Variants in BMPR2 observed in about 807,000 individuals in gnomAD.
BMPR2 encodes the protein bone morphogenetic protein receptor type-2.
Under a neutral mutation model 100.8 loss-of-function variants are expected in BMPR2, and 29 were observed. The observed-to-expected ratio is 0.29, with a 90% CI of 0.21 to 0.39. BMPR2 has a LOEUF of 0.39. BMPR2 is among the 10% of genes least tolerant of loss of function. BMPR2 has a pLI of 1.00. For synonymous variants in BMPR2, 382 were observed against 442.3 expected, an observed-to-expected ratio of 0.86 and a Z score of 1.71; for missense variants, 1,011 against 1,274.5, an observed-to-expected ratio of 0.79 and a Z score of 3.15.
intron 1 of BMPR2, among the ~76,000 whole-genome samples, chr2:202,424,875 G>A (rs184047977): frequency 9.9e-5 from 15 of 152,220 alleles, no homozygotes; most frequent in Admixed American, 9.2e-4. Context: ...TGGACTGAGA[G>A]CAAGAGATAG....
chr2:202,503,171 C>T lies in BMPR2; in HGVS notation c.419-10548C>T, dbSNP rs764203406. On this transcript the variant is annotated intron_variant, in intron 3 of 12. Coordinates refer to ENST00000374580, the MANE Select transcript of BMPR2 (RefSeq NM_001204.7). This position sits in a 1 kb window ranked among gnomAD's most constrained non-coding sequence, Gnocchi z 4.0. ...GAGCGGTCATTGGCCAAATTCCCAA[C>T]AGCATTTGGGGTGTCCTGTTTAGAG... Among the ~76,000 whole-genome samples, 15 of 152,240 alleles carry T rather than the reference C, an allele frequency of 9.9e-5. No homozygotes were observed. The highest frequency in any genetic ancestry group is 2.1e-4 in the Non-Finnish European group (14 of 68,048).
rs889707489 is a variant in BMPR2 at position 202,395,117 on chromosome 2, C to T, written c.76+17567C>T. On this transcript the variant is annotated intron_variant, in intron 1 of 12. Transcript: ENST00000374580. ...CAGGCTGGTCTTGAACTCCTGATCT[C>T]GTGGTTCACCCGCCTCGGCCTCCCA... Among the ~76,000 whole-genome samples the T allele has an allele frequency of 2.1e-4, 32 of 151,718 alleles. 1 individual carries two copies. The highest frequency in any genetic ancestry group is 7.0e-4 in the African/African-American group (29 of 41,300).
rs114108083 is a variant in BMPR2, at chr2:202,424,260, G to A, written c.77-40549G>A. On this transcript the variant is annotated intron_variant, in intron 1 of 12. Transcript: ENST00000374580. ...ATAGTGGCATGTGCCTGTAATCCCT[G>A]CCACTTGGGAAGCTGAGGCAAGAGA... Among the ~76,000 whole-genome samples, 464 of 151,578 alleles carry A rather than the reference G, an allele frequency of 3.1e-3. 1 individual carries two copies. Among genetic ancestry groups the A allele is most frequent in the African/African-American group, 0.011 (447 of 41,296 alleles).
rs539333261 is a variant in BMPR2 at position 202,531,093 on chromosome 2, A to C, written c.1128+139A>C. 3.4e-5 allele frequency: 34 copies of C among 1,006,222 alleles called. No homozygotes were observed. The East Asian group carries it at 8.5e-4, about 25-fold the overall frequency. The allele number at this position is 1,006,222 out of a possible 1,614,324, so 62.3% of individuals were successfully genotyped here. On this transcript the variant is annotated intron_variant, in intron 8 of 12. Transcript: ENST00000374580. ...CCAGGTGGGTGGATCACCTAAGGTA[A>C]AGAGTTCGAGACCAGCTTGGCCAAC...
rs769877169 is a variant in BMPR2, at chr2:202,555,479, T to A, written c.1814T>A (p.Val605Asp). The change falls in exon 12 of 13, where the codon GTC becomes GAC. Residue 605 changes from valine to aspartate, a missense_variant. This residue lies in a region of BMPR2 where 508 missense variants were observed against 552.0 expected (regional missense o/e 0.92). Transcript: ENST00000374580. ...CGAATCCCCAGCCCTGAAACAAGTG[T>A]CACCAGCCTCTCCACCAACACAACA... ...QARIPSPETS[V>D]TSLSTNTTTT... 2 of 1,613,822 alleles carry A rather than the reference T, an allele frequency of 1.2e-6. No homozygotes were observed. The highest frequency in any genetic ancestry group is 2.7e-5 in the African/African-American group (2 of 74,886).
At chr2:202,411,120 C>T (rs1208942778) in intron 1 of BMPR2, among the ~76,000 whole-genome samples, 6 of 152,054 alleles carry the variant, frequency 3.9e-5, no homozygotes, top group Non-Finnish European at 7.4e-5. Flanking sequence ...GTAAGAAACA[C>T]GGTATTTAAA....
At chr2:202,524,243 TC>T (rs1687868200) in intron 7 of BMPR2, among the ~76,000 whole-genome samples, 1 of 151,378 alleles carries the variant, frequency 6.6e-6, no homozygotes, top group Non-Finnish European at 1.5e-5. Flanking sequence ...GCGCCTGTAG[TC>T]CCAGCTACTC....
chr2:202,454,039 ATTATT>A (rs1054568059), intron 1 of BMPR2, among the ~76,000 whole-genome samples: 1 of 152,124 alleles, frequency 6.6e-6, no homozygotes, highest in African/African-American at 2.4e-5. Context: ...TCCCCATTTT[ATTATT>A]TTATTTCTGA....
chr2:202,413,667 ATTAC>A (rs1691061731), intron 1 of BMPR2, among the ~76,000 whole-genome samples: 1 of 151,536 alleles, frequency 6.6e-6, no homozygotes. Context: ...TATTAATTAT[ATTAC>A]TTTTTTTTTT....
At chr2:202,425,259 CT>C (rs1171703923) in intron 1 of BMPR2, among the ~76,000 whole-genome samples, 2 of 152,174 alleles carry the variant, frequency 1.3e-5, no homozygotes, top group African/African-American at 4.8e-5. Context: ...ATCTTCACCC[CT>C]TGCCCCAGCC....
chr2:202,444,805 T>G (rs572345435), intron 1 of BMPR2, among the ~76,000 whole-genome samples: 4 of 151,002 alleles, frequency 2.6e-5, no homozygotes, highest in Non-Finnish European at 4.4e-5. Context: ...ATTTATTTTT[T>G]GAGATGGAGT....
At chr2:202,520,896 A>G (rs1382464777) in intron 7 of BMPR2, 1 of 153,978 alleles carries the variant, frequency 6.5e-6, no homozygotes, top group African/African-American at 2.4e-5. Flanking sequence ...CAGAAGAAAA[A>G]CAGCTCATGA....
At chr2:202,445,769 T>TA (rs1691836406) in intron 1 of BMPR2, among the ~76,000 whole-genome samples, 1 of 120,746 alleles carries the variant, frequency 8.3e-6, no homozygotes, top group South Asian at 2.5e-4. Flanking sequence ...CCTACAAACA[T>TA]AATTTTTTTT....
intron 1 of BMPR2, among the ~76,000 whole-genome samples, chr2:202,389,478 G>C (rs906186445): frequency 4.3e-5 from 6 of 138,446 alleles, no homozygotes; most frequent in Admixed American, 1.6e-4. Context: ...AGTGAGACGA[G>C]ATTGCGCCAC....
rs1383178191 is a variant in BMPR2 at position 202,376,498 on chromosome 2, C to CTGCG, written c.-976_-973dup. Among the ~76,000 whole-genome samples the CTGCG allele has an allele frequency of 1.6e-5, 2 of 128,792 alleles. No individual in the cohort carries two copies. Among genetic ancestry groups the CTGCG allele is most frequent in the Admixed American group, 8.0e-5 (1 of 12,474 alleles). The allele number at this position is 128,792 out of a possible 152,430, so 84.5% of individuals were successfully genotyped here. On this transcript the variant is annotated 5_prime_UTR_variant, in exon 1 of 13. Transcript: ENST00000374580. ...CCCGAGTTCCGTCAGGAGCCCAGAG[C>CTGCG]TGCGGGAGAACGAGGCGGCGGCGGC...
intron 2 of BMPR2, among the ~76,000 whole-genome samples, 194 bp from the exon 3 acceptor site, chr2:202,467,324 TC>T (rs991635945): frequency 1.3e-5 from 2 of 152,068 alleles, no homozygotes; most frequent in African/African-American, 2.4e-5. Flanking sequence ...GGTGGCCTTT[TC>T]CCCCCCATGA....
intron 1 of BMPR2, among the ~76,000 whole-genome samples, chr2:202,444,938 G>A (rs182036368): frequency 2.7e-5 from 4 of 150,454 alleles, no homozygotes; most frequent in East Asian, 1.9e-4. Context: ...ACAGGCATGC[G>A]CCACCATGCC....
chr2:202,377,599 G>T lies in BMPR2; in HGVS notation c.76+49G>T, dbSNP rs371639525. ...CCCGGCCACTGCCCCTGCGGGTGGCGAGGGAGGGAGCCCGCAGAGGCCGAG... is the reference window on the plus strand; with the variant it reads ...CCCGGCCACTGCCCCTGCGGGTGGCTAGGGAGGGAGCCCGCAGAGGCCGAG... On this transcript the variant is annotated intron_variant, in intron 1 of 12. Coordinates refer to ENST00000374580, the MANE Select transcript of BMPR2 (RefSeq NM_001204.7). 4 of 1,598,052 alleles carry T rather than the reference G, an allele frequency of 2.5e-6. No individual in the cohort carries two copies. The African/African-American group carries it at 5.4e-5, about 21-fold the overall frequency.
At position 202,514,881 on chromosome 2, in the gene BMPR2, C is replaced by T. The variant is rs758609882; in HGVS notation, c.530-7C>T. 2 of 1,610,468 alleles carry T rather than the reference C, an allele frequency of 1.2e-6. No homozygotes were observed. The highest frequency in any genetic ancestry group is 1.1e-5 in the South Asian group (1 of 91,010). ...ATATATTAGTAACCTGTTTCCTGTT[C>T]TTATAGGAGACCGTAAACAAGGTCT... is the stretch of plus-strand genomic sequence containing the variant. On this transcript the variant is annotated splice_polypyrimidine_tract_variant and splice_region_variant and intron_variant, in intron 4 of 12. Transcript: ENST00000374580.
Sources: gnomAD v4.1 joint callset for allele counts (sites outside exome capture counted in the v4.1 genomes callset) on GRCh38, gnomAD v4.1.1 for gene constraint, gnomAD v4.1.1 regional missense constraint, Gnocchi (gnomAD v3.1) non-coding constraint, MANE v1.5 for transcripts, NCBI Gene and HGNC (gene_info 2026-07-23, HGNC 2026-07-21) for gene names.